TMPRSS15: variants seen among roughly 807,000 people sequenced by gnomAD.
TMPRSS15 encodes the protein transmembrane serine protease 15, also known as enteropeptidase.
Under a neutral mutation model 125.3 loss-of-function variants are expected in TMPRSS15, and 128 were observed. That is an observed-to-expected ratio of 1.02 (90% CI 0.89 to 1.18). The LOEUF is 1.18. Ranked by LOEUF, TMPRSS15 falls within the 50% of genes most tolerant of loss-of-function variation. TMPRSS15 has a pLI of 0.00. For missense variants in TMPRSS15, 1,283 were observed against 1,212.7 expected, an observed-to-expected ratio of 1.06 and a Z score of -0.86; for synonymous variants, 446 against 423.2, an observed-to-expected ratio of 1.05 and a Z score of -0.66.
rs551252544 is a variant in TMPRSS15, at chr21:18,470,682, AATTATCAATAG to A, written c.10+15106_10+15116del. 1.3e-4 allele frequency among the ~76,000 whole-genome samples: 20 copies of A among 152,228 alleles called. No individual in the cohort carries two copies. The East Asian group carries it at 3.3e-3, about 25-fold the overall frequency. ...GTTGTTTTCTTTCCTCTGTTGTTGC[AATTATCAATAG>A]ATAAACTTCATTTTACTTTGCCATT... On this transcript the variant is annotated intron_variant, in intron 1 of 7. Transcript: ENST00000422787.
At chr21:18,376,100 T>C (rs2075838905) in intron 5 of TMPRSS15, among the ~76,000 whole-genome samples, 1 of 152,156 alleles carries the variant, frequency 6.6e-6, no homozygotes, top group South Asian at 2.1e-4. Context: ...TCTTCATCCA[T>C]GAATGTTTGC....
intron 22 of TMPRSS15, among the ~76,000 whole-genome samples, chr21:18,279,990 T>C (rs76631550): frequency 6.6e-6 from 1 of 152,260 alleles, no homozygotes; most frequent in South Asian, 2.1e-4. Context: ...CAAAAATGAA[T>C]AAGACACAGT....
chr21:18,270,670 T>C (rs191948674), intron 24 of TMPRSS15, among the ~76,000 whole-genome samples: 11 of 152,268 alleles, frequency 7.2e-5, no homozygotes, highest in Non-Finnish European at 1.0e-4. Context: ...AAGTCTGTGA[T>C]ATAATTTTTA....
chr21:18,378,653 A>G (rs1267351342), intron 5 of TMPRSS15, among the ~76,000 whole-genome samples: 1 of 152,036 alleles, frequency 6.6e-6, no homozygotes, highest in Non-Finnish European at 1.5e-5. Context: ...GCCTTTATTG[A>G]ATTTACTTAA....
intron 21 of TMPRSS15, among the ~76,000 whole-genome samples, chr21:18,293,698 T>C (rs1282808061): frequency 1.3e-5 from 2 of 152,214 alleles, no homozygotes; most frequent in South Asian, 2.1e-4. Flanking sequence ...TGTCCTATTA[T>C]AGTATAAAAC....
At chr21:18,335,895 C>T (rs1030347027) in intron 13 of TMPRSS15, among the ~76,000 whole-genome samples, 3 of 151,668 alleles carry the variant, frequency 2.0e-5, no homozygotes, top group Admixed American at 1.3e-4. Flanking sequence ...AGTAAAATAG[C>T]CTGTCTGGTA....
At chr21:18,350,089 G>A (rs1238717526) in intron 10 of TMPRSS15, among the ~76,000 whole-genome samples, 1 of 151,624 alleles carries the variant, frequency 6.6e-6, no homozygotes, top group Admixed American at 6.6e-5. Context: ...TTTAATTACA[G>A]TAAAGAGAAA....
chr21:18,437,104 A>G (rs1293717347), intron 1 of TMPRSS15, among the ~76,000 whole-genome samples: 1 of 149,504 alleles, frequency 6.7e-6, no homozygotes, highest in Admixed American at 6.8e-5. Flanking sequence ...CCAAAACAGC[A>G]TGGTACTGGT....
At chr21:18,470,599 C>G (rs974392290) in intron 1 of TMPRSS15, among the ~76,000 whole-genome samples, 1 of 152,098 alleles carries the variant, frequency 6.6e-6, no homozygotes, top group African/African-American at 2.4e-5. Flanking sequence ...TTGTCAAGGT[C>G]TGCCCAGAGA....
In TMPRSS15 at chr21:18,269,788, A is replaced by C. The variant is rs750368219; in HGVS notation, c.*181T>G. ...TATTTTAAAGTTATTCTGTATTGCT[A>C]TGGTGAATTTTATTATTTTTAAAAT... is the stretch of plus-strand genomic sequence containing the variant. On this transcript the variant is annotated 3_prime_UTR_variant, in exon 25 of 25. Transcript: ENST00000284885. 1.5e-5 allele frequency: 9 copies of C among 614,462 alleles called. No individual in the cohort carries two copies. Among genetic ancestry groups the C allele is most frequent in the Admixed American group, 1.2e-4 (4 of 34,108 alleles). 38.1% of individuals were successfully genotyped at this position (614,462 alleles called of 1,614,324 possible).
At chr21:18,434,006 G>A (rs1323660465) in intron 1 of TMPRSS15, among the ~76,000 whole-genome samples, 1 of 152,168 alleles carries the variant, frequency 6.6e-6, no homozygotes, top group African/African-American at 2.4e-5. Context: ...CAATACAGGG[G>A]TAAGGAGCTC....
At chr21:18,465,057 C>T (rs2122955144) in intron 1 of TMPRSS15, among the ~76,000 whole-genome samples, 4 of 152,124 alleles carry the variant, frequency 2.6e-5, no homozygotes, top group Non-Finnish European at 4.4e-5. Flanking sequence ...AAAAGCTTAT[C>T]CACCATGATC....
At chr21:18,434,587 C>G (rs1346019528) in intron 1 of TMPRSS15, among the ~76,000 whole-genome samples, 1 of 151,974 alleles carries the variant, frequency 6.6e-6, no homozygotes, top group Non-Finnish European at 1.5e-5. Flanking sequence ...ATTTGCAGAA[C>G]AATTATTATA....
chr21:18,403,188 T>A (rs1163340358), intron 1 of TMPRSS15, among the ~76,000 whole-genome samples: 1 of 152,182 alleles, frequency 6.6e-6, no homozygotes, highest in African/African-American at 2.4e-5. Context: ...CCAAGATACT[T>A]ATTTAACATT....
At chr21:18,302,789 G>T (rs180714062) in intron 18 of TMPRSS15, among the ~76,000 whole-genome samples, 26 of 152,290 alleles carry the variant, frequency 1.7e-4, no homozygotes, top group Non-Finnish European at 3.4e-4. Flanking sequence ...TGAGAGAAGT[G>T]ATACTTCTAG....
chr21:18,323,839 T>C (rs2075264343), intron 16 of TMPRSS15, among the ~76,000 whole-genome samples: 1 of 152,178 alleles, frequency 6.6e-6, no homozygotes, highest in Non-Finnish European at 1.5e-5. Flanking sequence ...GAGTACATAA[T>C]TTTACTGCAT....
intron 21 of TMPRSS15, among the ~76,000 whole-genome samples, chr21:18,283,422 CTTACAA>C (rs761564860): frequency 2.0e-4 from 30 of 152,060 alleles, no homozygotes; most frequent in Middle Eastern, 3.5e-3. Context: ...AAAAATTAAT[CTTACAA>C]TTACTATACC....
chr21:18,332,024 G>T, intron 14 of TMPRSS15, 60 bp downstream of exon 14: 1 of 1,429,306 alleles, frequency 7.0e-7, no homozygotes, highest in Non-Finnish European at 9.9e-7. Context: ...CTGCGTCAAG[G>T]GGAGATCTAC....
chr21:18,482,047 T>C (rs1978990378), intron 1 of TMPRSS15, among the ~76,000 whole-genome samples: 1 of 151,608 alleles, frequency 6.6e-6, no homozygotes, highest in Non-Finnish European at 1.5e-5. Flanking sequence ...TTAGCATTAA[T>C]ATAATTTTAT....
Sources: gnomAD v4.1 joint callset for allele counts (sites outside exome capture counted in the v4.1 genomes callset) on GRCh38, gnomAD v4.1.1 for gene constraint, MANE v1.5 for transcripts, NCBI Gene and HGNC (gene_info 2026-07-23, HGNC 2026-07-21) for gene names.